The following SPON1 variants were observed in gnomAD, a reference collection of about 807,000 sequenced individuals.
SPON1 encodes spondin 1, also known as spondin-1.
A neutral mutation model predicts 111.7 loss-of-function variants in SPON1; 52 were observed. The observed-to-expected ratio is 0.47, with a 90% CI of 0.37 to 0.59. SPON1 has a LOEUF of 0.59. Ranked by LOEUF, SPON1 falls within the 20% of genes least tolerant of loss-of-function variation. The pLI is 0.00. For synonymous variants in SPON1, 410 were observed against 395.8 expected, an observed-to-expected ratio of 1.04 and a Z score of -0.43; for missense variants, 957 against 1,068.5, an observed-to-expected ratio of 0.90 and a Z score of 1.46.
At chr11:14,133,680 G>A (rs1847552629) in intron 5 of SPON1, among the ~76,000 whole-genome samples, 1 of 152,182 alleles carries the variant, frequency 6.6e-6, no homozygotes, top group South Asian at 2.1e-4. Context: ...CTGGTTACCA[G>A]CCATTGCCCC....
intron 6 of SPON1, among the ~76,000 whole-genome samples, chr11:14,158,023 A>G (rs987022827): frequency 2.6e-5 from 4 of 152,022 alleles, no homozygotes; most frequent in Admixed American, 2.0e-4. Context: ...GTTTCTTGGT[A>G]TGTCTCATCA....
At chr11:14,144,663 A>ATAT (rs1554929139) in intron 6 of SPON1, among the ~76,000 whole-genome samples, 1 of 149,422 alleles carries the variant, frequency 6.7e-6, no homozygotes, top group African/African-American at 2.5e-5. Context: ...AATAATAATA[A>ATAT]TAATAATGAA....
At chr11:14,001,291 C>G (rs1554912410) in intron 2 of SPON1, among the ~76,000 whole-genome samples, 1 of 152,184 alleles carries the variant, frequency 6.6e-6, no homozygotes, top group Non-Finnish European at 1.5e-5. Context: ...GACTCCCACA[C>G]TTTTGTGAAT....
rs1849152543 is a variant in SPON1, at chr11:14,259,771, A to G, written c.1831+70A>G. 6.1e-6 allele frequency: 9 copies of G among 1,471,840 alleles called. No individual in the cohort carries two copies. The highest frequency in any genetic ancestry group is 7.3e-6 in the Non-Finnish European group (8 of 1,090,198). 91.2% of individuals were successfully genotyped at this position (1,471,840 alleles called of 1,614,324 possible). ...GGCGTGGAGGGCCATGGCATCCACT[A>G]TTACCACCATAAAGGTCGGAGGCTG... On this transcript the variant is annotated intron_variant, in intron 13 of 15. Transcript: ENST00000576479. The surrounding 1 kb of genome is among the most constrained non-coding windows in gnomAD (Gnocchi z 5.0).
At chr11:14,150,098 A>G (rs1167142767) in intron 6 of SPON1, among the ~76,000 whole-genome samples, 1 of 152,234 alleles carries the variant, frequency 6.6e-6, no homozygotes, top group Non-Finnish European at 1.5e-5. Flanking sequence ...CAATGAATAA[A>G]GAAAAATTGG....
Position 14,075,332 on chromosome 11 carries a change from T to C in SPON1, c.480-13T>C. The stretch of plus-strand genomic sequence containing the variant: ...CCTCCTCACCACTGTGCTTGGGTCT[T>C]CTTTCTTCACAGGGCCAGCATCGTA... On this transcript the variant is annotated splice_polypyrimidine_tract_variant and intron_variant, in intron 3 of 15. Transcript: ENST00000576479. 6.4e-7 allele frequency: 1 copy of C among 1,554,360 alleles called. No homozygotes were observed. The highest frequency in any genetic ancestry group is 8.7e-7 in the Non-Finnish European group (1 of 1,147,818).
At chr11:14,094,489 A>G (rs1849083810) in intron 5 of SPON1, among the ~76,000 whole-genome samples, 1 of 152,106 alleles carries the variant, frequency 6.6e-6, no homozygotes, top group East Asian at 1.9e-4. Flanking sequence ...TTTAGTAATA[A>G]TTTATTAAAA....
chr11:13,996,165 GTTTTTT>G (rs111458719), intron 2 of SPON1, among the ~76,000 whole-genome samples: 1 of 146,390 alleles, frequency 6.8e-6, no homozygotes, highest in African/African-American at 2.5e-5. Flanking sequence ...CCTAGTAAAA[GTTTTTT>G]TTTTTTAATA....
chr11:14,107,990 G>A (rs1486280865), intron 5 of SPON1, among the ~76,000 whole-genome samples: 4 of 152,096 alleles, frequency 2.6e-5, no homozygotes, highest in Non-Finnish European at 4.4e-5. Flanking sequence ...GTAAAGCAGG[G>A]ATAATCAAAT....
chr11:14,174,049 A>G (rs553231820), intron 6 of SPON1, among the ~76,000 whole-genome samples: 7 of 152,284 alleles, frequency 4.6e-5, no homozygotes, highest in Admixed American at 4.6e-4. Context: ...AGGGCCAGGA[A>G]AGCATGCATT....
At chr11:14,075,276 T>A in intron 3 of SPON1, 69 bp from the exon 4 acceptor site, 1 of 1,210,240 alleles carries the variant, frequency 8.3e-7, no homozygotes, top group Non-Finnish European at 1.2e-6. Flanking sequence ...AGGGACTATG[T>A]CTGACTGATC....
intron 2 of SPON1, among the ~76,000 whole-genome samples, chr11:14,015,552 C>G (rs1459168181): frequency 6.6e-6 from 1 of 152,174 alleles, no homozygotes; most frequent in East Asian, 1.9e-4. Context: ...GAATGCTTTA[C>G]TTACATTTTA....
chr11:14,174,145 G>C (rs1554932838), intron 6 of SPON1, among the ~76,000 whole-genome samples: 1 of 152,200 alleles, frequency 6.6e-6, no homozygotes, highest in Non-Finnish European at 1.5e-5. Flanking sequence ...ATCCCCAAAA[G>C]GAGGGAAAGA....
At position 13,962,837 on chromosome 11, in the gene SPON1, G is replaced by T; in HGVS notation, c.-68G>T. ...CCTCCGCCAGGTCGCGCCTTCGTCG[G>T]GACCACTTCGGGCAGGAGTCGCGTG... On this transcript the variant is annotated 5_prime_UTR_variant, in exon 1 of 16. Transcript: ENST00000576479. 7.4e-7 allele frequency: 1 copy of T among 1,355,560 alleles called. No individual in the cohort carries two copies. The highest frequency in any genetic ancestry group is 9.6e-7 in the Non-Finnish European group (1 of 1,045,620). The allele number at this position is 1,355,560 out of a possible 1,614,324, so 84.0% of individuals were successfully genotyped here.
At chr11:13,995,068 G>A (rs901374896) in intron 2 of SPON1, among the ~76,000 whole-genome samples, 3 of 152,090 alleles carry the variant, frequency 2.0e-5, no homozygotes, top group Non-Finnish European at 2.9e-5. Context: ...ATAATTATTT[G>A]TAGGATTATT....
chr11:14,003,727 T>C (rs1410288578), intron 2 of SPON1, among the ~76,000 whole-genome samples: 2 of 152,152 alleles, frequency 1.3e-5, no homozygotes, highest in African/African-American at 4.8e-5. Context: ...GATATATATA[T>C]AGATAGTAAA....
intron 6 of SPON1, among the ~76,000 whole-genome samples, chr11:14,152,644 C>T (rs1591390414): frequency 6.6e-6 from 1 of 152,310 alleles, no homozygotes; most frequent in East Asian, 1.9e-4. Flanking sequence ...GATATAGAGA[C>T]AAATCATTTC....
Position 14,135,190 on chromosome 11 carries a change from G to C in SPON1, c.677-230G>C. The C allele has an allele frequency of 2.3e-6, 1 of 432,374 alleles. No homozygotes were observed. The highest frequency in any genetic ancestry group is 4.2e-6 in the Non-Finnish European group (1 of 240,726). 26.8% of individuals were successfully genotyped at this position (432,374 alleles called of 1,614,324 possible). On this transcript the variant is annotated intron_variant, in intron 5 of 15. Coordinates refer to ENST00000576479, the MANE Select transcript of SPON1 (RefSeq NM_006108.4). This position sits in a 1 kb window ranked among gnomAD's most constrained non-coding sequence, Gnocchi z 4.4. ...CCTAGACAGAACGCATCTCTGGGCT[G>C]CCTCTGCGTCTTGTTCAACATCTGC...
intron 3 of SPON1, among the ~76,000 whole-genome samples, chr11:14,046,843 C>A (rs1848671861): frequency 6.6e-6 from 1 of 152,282 alleles, no homozygotes; most frequent in Non-Finnish European, 1.5e-5. Context: ...ATGGAATGTT[C>A]CATATTTATT....
Sources: allele counts gnomAD v4.1 joint callset (sites outside exome capture counted in the v4.1 genomes callset), GRCh38; gene constraint gnomAD v4.1.1; non-coding constraint Gnocchi (gnomAD v3.1); transcripts MANE v1.5; gene names NCBI Gene and HGNC (gene_info 2026-07-23, HGNC 2026-07-21).